Variants in NR3C1 observed in about 807,000 individuals in gnomAD.
The protein encoded by NR3C1 is glucocorticoid receptor.
NR3C1 carries 14 observed loss-of-function variants against 74.0 expected under a neutral mutation model. That is an observed-to-expected ratio of 0.19 (90% confidence interval 0.12 to 0.30). NR3C1 has a LOEUF of 0.30. Ranked by LOEUF, NR3C1 falls within the 10% of genes least tolerant of loss-of-function variation. The pLI is 1.00. For missense variants in NR3C1, 695 were observed against 909.8 expected (o/e 0.76, Z 3.04); for synonymous variants, 308 against 332.5 (o/e 0.93, Z 0.80).
intron 2 of NR3C1, among the ~76,000 whole-genome samples, chr5:143,392,726 T>G (rs934086650): frequency 6.6e-6 from 1 of 152,150 alleles, no homozygotes; most frequent in Non-Finnish European, 1.5e-5. Flanking sequence ...AATTGGTGCT[T>G]AATCATTATT....
At chr5:143,338,073 A>G (rs1021159473) in intron 2 of NR3C1, among the ~76,000 whole-genome samples, 1 of 152,216 alleles carries the variant, frequency 6.6e-6, no homozygotes, top group Non-Finnish European at 1.5e-5. Flanking sequence ...AATGATGGAC[A>G]GCATTTATAG....
At chr5:143,293,387 G>C (rs192418407) in intron 7 of NR3C1, among the ~76,000 whole-genome samples, 134 of 152,132 alleles carry the variant, frequency 8.8e-4, no homozygotes, top group Non-Finnish European at 1.8e-3. Flanking sequence ...TTGGGGAGGG[G>C]ATGAGGGATG....
chr5:143,350,914 C>A (rs1458439462), intron 2 of NR3C1, among the ~76,000 whole-genome samples: 1 of 152,134 alleles, frequency 6.6e-6, no homozygotes, highest in Non-Finnish European at 1.5e-5. Flanking sequence ...GGAAAGTGCC[C>A]ACTGAATTTA....
chr5:143,355,905 G>A (rs1831051721), intron 2 of NR3C1, among the ~76,000 whole-genome samples: 1 of 152,168 alleles, frequency 6.6e-6, no homozygotes, highest in African/African-American at 2.4e-5. Context: ...TCACAAGCTT[G>A]ATGCTGCCTG....
chr5:143,399,098 G>A (rs1212035711), intron 2 of NR3C1, among the ~76,000 whole-genome samples: 1 of 152,212 alleles, frequency 6.6e-6, no homozygotes, highest in East Asian at 1.9e-4. Context: ...ACTGTTCACT[G>A]CATTGCTTTA....
intron 2 of NR3C1, among the ~76,000 whole-genome samples, chr5:143,340,320 A>G (rs552732378): frequency 3.7e-4 from 56 of 151,882 alleles, no homozygotes; most frequent in African/African-American, 1.2e-3. Context: ...ATTTAATTTC[A>G]ATGCAATACC....
chr5:143,309,413 G>C (rs567456328), intron 4 of NR3C1, among the ~76,000 whole-genome samples: 22 of 152,254 alleles, frequency 1.4e-4, no homozygotes, highest in African/African-American at 5.3e-4. Flanking sequence ...CGTTTCTTTT[G>C]ATTGAGCAGT....
At chr5:143,374,406 G>A (rs1337593066) in intron 2 of NR3C1, among the ~76,000 whole-genome samples, 1 of 152,010 alleles carries the variant, frequency 6.6e-6, no homozygotes, top group Non-Finnish European at 1.5e-5. Context: ...CAGGAGAATG[G>A]CGTGAACCAG....
intron 2 of NR3C1, among the ~76,000 whole-genome samples, chr5:143,317,799 T>A (rs1822475780): frequency 6.6e-6 from 1 of 152,160 alleles, no homozygotes; most frequent in South Asian, 2.1e-4. Flanking sequence ...AGACGTTTCC[T>A]GGCACCTGAA....
At chr5:143,370,088 A>G (rs1267857217) in intron 2 of NR3C1, among the ~76,000 whole-genome samples, 1 of 152,218 alleles carries the variant, frequency 6.6e-6, no homozygotes, top group East Asian at 1.9e-4. Flanking sequence ...TTAGTTTAAG[A>G]TATTATGATA....
upstream of NR3C1, chr5:143,404,198 G>A: frequency 2.0e-6 from 2 of 985,412 alleles, no homozygotes; most frequent in Non-Finnish European, 2.4e-6. Context: ...TGCGTGAGTG[G>A]CCCGCGCCGC....
chr5:143,344,346 T>C (rs773556650), intron 2 of NR3C1, among the ~76,000 whole-genome samples: 6 of 152,210 alleles, frequency 3.9e-5, no homozygotes, highest in Non-Finnish European at 7.3e-5. Flanking sequence ...ATCAAAATAA[T>C]AGCAAAGACA....
intron 1 of NR3C1, among the ~76,000 whole-genome samples, chr5:143,431,717 A>C (rs569412695): frequency 1.3e-5 from 2 of 152,340 alleles, no homozygotes; most frequent in African/African-American, 2.4e-5. Flanking sequence ...AGTGGGGGTT[A>C]TAGGTAGTTT....
At position 143,307,239 on chromosome 5, in the gene NR3C1, A is replaced by G. The variant is rs117752015; in HGVS notation, c.1468+2858T>C. Among the ~76,000 whole-genome samples the G allele has an allele frequency of 1.8e-3, 275 of 152,286 alleles. 5 individuals are homozygous for G. In the East Asian group the frequency reaches 0.038, roughly 21 times the overall value. On this transcript the variant is annotated intron_variant, in intron 4 of 8. Coordinates refer to ENST00000394464, the MANE Select transcript of NR3C1 (RefSeq NM_000176.3). ...CATGTAAGAAAAATTTCTGATGTCC[A>G]ACAAAAGATTCAACTGGAAATGGCA...
At chr5:143,373,238 T>G (rs1834537258) in intron 2 of NR3C1, among the ~76,000 whole-genome samples, 1 of 152,132 alleles carries the variant, frequency 6.6e-6, no homozygotes, top group Non-Finnish European at 1.5e-5. Flanking sequence ...AAAAAAAAAC[T>G]CTTATAAATG....
intron 2 of NR3C1, among the ~76,000 whole-genome samples, chr5:143,369,959 T>G (rs1239119287): frequency 6.6e-6 from 1 of 151,936 alleles, no homozygotes; most frequent in East Asian, 1.9e-4. Flanking sequence ...ACCTTGGAGT[T>G]CACCTATTTT....
At chr5:143,426,394 A>G (rs988369266) in intron 1 of NR3C1, among the ~76,000 whole-genome samples, 1 of 152,256 alleles carries the variant, frequency 6.6e-6, no homozygotes, top group African/African-American at 2.4e-5. Context: ...TTACATGTCA[A>G]TAGTCATAAC....
chr5:143,430,526 G>A (rs1561820106), intron 1 of NR3C1, among the ~76,000 whole-genome samples: 1 of 152,208 alleles, frequency 6.6e-6, no homozygotes, highest in Non-Finnish European at 1.5e-5. Context: ...CAATATGATG[G>A]TATTAGGAGG....
chr5:143,295,416 A>T (rs1460796724), intron 7 of NR3C1, 44 bp downstream of exon 7: 1 of 1,606,992 alleles, frequency 6.2e-7, no homozygotes, highest in Admixed American at 1.7e-5. Flanking sequence ...CTAGGCCTTC[A>T]TATTTCATGC....
Sources: allele counts gnomAD v4.1 joint callset (sites outside exome capture counted in the v4.1 genomes callset), GRCh38; gene constraint gnomAD v4.1.1; transcripts MANE v1.5; gene names NCBI Gene and HGNC (gene_info 2026-07-23, HGNC 2026-07-21).